The following SPAG16 variants were observed in gnomAD, a reference collection of about 807,000 sequenced individuals.
The protein encoded by SPAG16 is sperm associated antigen 16, also known as sperm-associated antigen 16 protein.
SPAG16 carries 86 observed loss-of-function variants against 80.4 expected under a neutral mutation model. The ratio of observed to expected loss-of-function variants is 1.07; its 90% CI spans 0.90 to 1.28. SPAG16 has a LOEUF of 1.28. Ranked by LOEUF, SPAG16 falls within the 50% of genes most tolerant of loss-of-function variation. SPAG16 has a pLI of 0.00. For missense variants in SPAG16, 870 were observed against 765.3 expected (o/e 1.14, Z -1.61); for synonymous variants, 294 against 265.9 (o/e 1.11, Z -1.03).
chr2:213,791,770 T>A (rs2070716100), intron 10 of SPAG16, among the ~76,000 whole-genome samples: 1 of 152,182 alleles, frequency 6.6e-6, no homozygotes, highest in African/African-American at 2.4e-5. Flanking sequence ...TATCATTTAA[T>A]GGAAAGGATT....
At chr2:213,818,375 G>C (rs919133480) in intron 10 of SPAG16, among the ~76,000 whole-genome samples, 2 of 151,992 alleles carry the variant, frequency 1.3e-5, no homozygotes, top group African/African-American at 4.8e-5. Context: ...TGTTTTCTTG[G>C]CTCATTCATT....
chr2:214,075,194 G>A (rs552793384), intron 13 of SPAG16, among the ~76,000 whole-genome samples: 128 of 150,912 alleles, frequency 8.5e-4, no homozygotes, highest in Non-Finnish European at 1.6e-3. Context: ...TCATAATGGC[G>A]TTAGTGAATG....
intron 13 of SPAG16, among the ~76,000 whole-genome samples, chr2:214,068,814 A>C (rs891160879): frequency 6.6e-6 from 1 of 152,162 alleles, no homozygotes; most frequent in Non-Finnish European, 1.5e-5. Flanking sequence ...AGCATTATTT[A>C]TAACGGAGAG....
At chr2:214,159,307 G>T (rs568896879) in intron 15 of SPAG16, among the ~76,000 whole-genome samples, 1 of 151,912 alleles carries the variant, frequency 6.6e-6, no homozygotes, top group Non-Finnish European at 1.5e-5. Context: ...AGATCTAATA[G>T]CATATACTAG....
At chr2:213,599,599 T>G (rs1433308951) in intron 10 of SPAG16, among the ~76,000 whole-genome samples, 1 of 152,242 alleles carries the variant, frequency 6.6e-6, no homozygotes, top group African/African-American at 2.4e-5. Context: ...CAGTATATAA[T>G]ACACGTAACA....
At chr2:214,240,206 CT>C (rs1689369460) in intron 15 of SPAG16, 1 of 152,192 alleles carries the variant, frequency 6.6e-6, no homozygotes, top group Admixed American at 6.5e-5. Context: ...TCCATATCAC[CT>C]CTAATCCAGC....
At chr2:214,355,253 A>C (rs2126058330) in intron 15 of SPAG16, among the ~76,000 whole-genome samples, 1 of 144,196 alleles carries the variant, frequency 6.9e-6, no homozygotes, top group African/African-American at 2.5e-5. Flanking sequence ...AATGGGAGAA[A>C]ATTTTCGCAA....
intron 8 of SPAG16, among the ~76,000 whole-genome samples, chr2:213,369,281 C>T (rs1429082262): frequency 6.6e-6 from 1 of 152,062 alleles, no homozygotes; most frequent in Non-Finnish European, 1.5e-5. Flanking sequence ...CAATTGAATA[C>T]AGAGAATTAA....
rs73084949 is a variant in SPAG16 at position 214,286,044 on chromosome 2, C to G, written c.1721-124096C>G. On this transcript the variant is annotated intron_variant, in intron 15 of 15. Coordinates refer to ENST00000331683, the MANE Select transcript of SPAG16 (RefSeq NM_024532.5). The stretch of plus-strand genomic sequence containing the variant: ...CCATTGAGTTAACTTTTGTACATCA[C>G]TTGACATTATGCAAAGTGAAGTAAG... Among the ~76,000 whole-genome samples the G allele has an allele frequency of 9.4e-3, 1,429 of 152,148 alleles. 23 individuals carry two copies. The highest frequency in any genetic ancestry group is 0.032 in the African/African-American group (1,335 of 41,490).
chr2:213,394,766 G>A (rs2067948133), intron 9 of SPAG16, among the ~76,000 whole-genome samples: 1 of 152,150 alleles, frequency 6.6e-6, no homozygotes, highest in Non-Finnish European at 1.5e-5. Context: ...GTGTGGATCA[G>A]TAGCTGATCA....
chr2:213,970,242 G>A (rs1050628014), intron 12 of SPAG16, among the ~76,000 whole-genome samples: 6 of 151,742 alleles, frequency 4.0e-5, no homozygotes, highest in South Asian at 2.1e-4. Context: ...CATTTAGACC[G>A]TAGCTGTAGT....
intron 10 of SPAG16, among the ~76,000 whole-genome samples, chr2:213,671,022 A>G (rs921956158): frequency 1.4e-4 from 21 of 152,238 alleles, no homozygotes; most frequent in Admixed American, 5.9e-4. Flanking sequence ...GAAAGCAACT[A>G]TGCAAATTAT....
intron 11 of SPAG16, among the ~76,000 whole-genome samples, chr2:213,908,834 A>G (rs1285722390): frequency 6.6e-6 from 1 of 151,328 alleles, no homozygotes; most frequent in Non-Finnish European, 1.5e-5. Context: ...CAGGTTAGTT[A>G]CATATGTATA....
chr2:213,679,553 CTT>C (rs1256161302), intron 10 of SPAG16, among the ~76,000 whole-genome samples: 1 of 152,024 alleles, frequency 6.6e-6, no homozygotes. Flanking sequence ...CGTGGAGAAA[CTT>C]TTTTTCCCAC....
At chr2:214,126,319 A>G (rs2054496115) in intron 14 of SPAG16, among the ~76,000 whole-genome samples, 1 of 144,794 alleles carries the variant, frequency 6.9e-6, no homozygotes, top group African/African-American at 2.8e-5. Flanking sequence ...TTCATGGGAG[A>G]AGGAGGGTCG....
chr2:213,797,848 C>G (rs529474431), intron 10 of SPAG16, among the ~76,000 whole-genome samples: 1 of 152,296 alleles, frequency 6.6e-6, no homozygotes, highest in East Asian at 1.9e-4. Context: ...AGGAGTAGAG[C>G]TGCTGTCTTA....
chr2:213,873,769 C>T (rs2076038265), intron 11 of SPAG16, among the ~76,000 whole-genome samples: 1 of 151,738 alleles, frequency 6.6e-6, no homozygotes. Flanking sequence ...TGTGCTGTTC[C>T]ATTTCCATAT....
intron 15 of SPAG16, among the ~76,000 whole-genome samples, chr2:214,268,305 A>G (rs914344847): frequency 6.6e-6 from 1 of 151,876 alleles, no homozygotes; most frequent in African/African-American, 2.4e-5. Context: ...GTATATATAT[A>G]TCCAAAGGAA....
chr2:214,143,729 G>A (rs1034435998), intron 14 of SPAG16, among the ~76,000 whole-genome samples: 2 of 152,134 alleles, frequency 1.3e-5, no homozygotes, highest in African/African-American at 4.8e-5. Context: ...AGCAGGAACT[G>A]TGCTGGGTGC....
Sources: allele counts gnomAD v4.1 joint callset (sites outside exome capture counted in the v4.1 genomes callset), GRCh38; gene constraint gnomAD v4.1.1; transcripts MANE v1.5; gene names NCBI Gene and HGNC (gene_info 2026-07-23, HGNC 2026-07-21).